The following FLI1 variants were observed in gnomAD, a reference collection of about 807,000 sequenced individuals.
FLI1 encodes Fli-1 proto-oncogene, ETS transcription factor.
FLI1 carries 13 observed loss-of-function variants against 53.1 expected under a neutral mutation model. That is an observed-to-expected ratio of 0.24 (90% CI 0.16 to 0.39). The LOEUF (loss-of-function observed/expected upper bound fraction) is 0.39. FLI1 is among the 10% of genes least tolerant of loss of function. FLI1 has a pLI of 1.00. For missense variants in FLI1, 424 were observed against 600.5 expected (o/e 0.71, Z 3.07); for synonymous variants, 244 against 236.7 (o/e 1.03, Z -0.28).
Position 128,740,780 on chromosome 11 carries a change from C to T in FLI1, c.19-17335C>T, listed in dbSNP as rs370253229. ...AGGGTCCTCCCTTCAGAGGGGTACACCCCTACAGCTCAGAGGCCACTTCTT... is the reference window on the plus strand; with the variant it reads ...AGGGTCCTCCCTTCAGAGGGGTACATCCCTACAGCTCAGAGGCCACTTCTT... On this transcript the variant is annotated intron_variant, in intron 1 of 8. Coordinates refer to ENST00000527786, the MANE Select transcript of FLI1 (RefSeq NM_002017.5). 4.4e-4 allele frequency among the ~76,000 whole-genome samples: 67 copies of T among 152,316 alleles called. 2 individuals carry two copies. In the South Asian group the frequency reaches 0.014, roughly 31 times the overall value.
chr11:128,709,237 A>G (rs764785690), intron 1 of FLI1, among the ~76,000 whole-genome samples: 8 of 152,224 alleles, frequency 5.3e-5, no homozygotes, highest in Non-Finnish European at 5.9e-5. Context: ...AATCAAAAGT[A>G]GTATGGAAGT....
intron 1 of FLI1, among the ~76,000 whole-genome samples, chr11:128,736,794 T>G (rs770801501): frequency 6.6e-6 from 1 of 152,220 alleles, no homozygotes; most frequent in Non-Finnish European, 1.5e-5. Context: ...ATATTTTCAG[T>G]GCAATTTTTA....
At chr11:128,743,033 A>G (rs763903976) in intron 1 of FLI1, among the ~76,000 whole-genome samples, 2 of 152,166 alleles carry the variant, frequency 1.3e-5, no homozygotes, top group Non-Finnish European at 2.9e-5. Context: ...AACATCACCA[A>G]CCTATAATGA....
At chr11:128,761,126 T>C (rs1305390555) in intron 2 of FLI1, among the ~76,000 whole-genome samples, 1 of 152,150 alleles carries the variant, frequency 6.6e-6, no homozygotes, top group Admixed American at 6.5e-5. Context: ...CTCCCACTTC[T>C]TCCCTCCGCG....
chr11:128,712,979 T>A (rs2135721484), intron 1 of FLI1, among the ~76,000 whole-genome samples: 1 of 152,348 alleles, frequency 6.6e-6, no homozygotes, highest in East Asian at 1.9e-4. Flanking sequence ...CTGACTTCAT[T>A]ACTGAGGTCT....
At chr11:128,710,419 G>T (rs561142708) in intron 1 of FLI1, among the ~76,000 whole-genome samples, 1 of 152,018 alleles carries the variant, frequency 6.6e-6, no homozygotes, top group South Asian at 2.1e-4. Context: ...TCATGAGGCC[G>T]AACATTGAAC....
upstream of FLI1, among the ~76,000 whole-genome samples, chr11:128,689,180 C>G (rs1207648411): frequency 6.6e-6 from 1 of 151,710 alleles, no homozygotes; most frequent in African/African-American, 2.4e-5. Context: ...AACCTAGGTG[C>G]GCTAGTCCTC....
intron 2 of FLI1, among the ~76,000 whole-genome samples, chr11:128,760,743 G>A (rs1374698151): frequency 6.6e-6 from 1 of 152,038 alleles, no homozygotes; most frequent in East Asian, 1.9e-4. Context: ...GGCCCGGCTG[G>A]TCTTCAACTC....
intron 2 of FLI1, 130 bp downstream of exon 2, chr11:128,758,456 G>A: frequency 1.4e-6 from 1 of 732,854 alleles, no homozygotes; most frequent in Non-Finnish European, 2.3e-6. Context: ...GCCTGTGTCA[G>A]TCCCTAGAGA....
intron 1 of FLI1, among the ~76,000 whole-genome samples, chr11:128,743,255 T>C (rs556809460): frequency 3.9e-5 from 6 of 152,028 alleles, no homozygotes; most frequent in African/African-American, 1.4e-4. Flanking sequence ...ATAAATTAGC[T>C]GGCATGGTGG....
chr11:128,696,823 A>T (rs1436776452), intron 1 of FLI1, among the ~76,000 whole-genome samples: 2 of 152,208 alleles, frequency 1.3e-5, no homozygotes, highest in East Asian at 3.8e-4. Flanking sequence ...TATATTTCAA[A>T]ATACCTGTGG....
intron 1 of FLI1, among the ~76,000 whole-genome samples, chr11:128,754,276 T>TGTGC (rs1491299709): frequency 2.2e-4 from 33 of 148,820 alleles, no homozygotes; most frequent in South Asian, 1.9e-3. Context: ...TGTGTGTGTG[T>TGTGC]GCACATATGC....
rs534479285 is a variant in FLI1 at position 128,755,147 on chromosome 11, C to G, written c.19-2968C>G. ...CAGGACAATCCTGTGTTCCCTGTTG[C>G]CTGGTCCACCCTCCTTAGGATAATG... On this transcript the variant is annotated intron_variant, in intron 1 of 8. Coordinates refer to ENST00000527786, the MANE Select transcript of FLI1 (RefSeq NM_002017.5). Among the ~76,000 whole-genome samples the G allele has an allele frequency of 7.9e-5, 12 of 152,274 alleles. No individual in the cohort carries two copies. In the East Asian group the frequency reaches 2.3e-3, roughly 29 times the overall value.
intron 1 of FLI1, among the ~76,000 whole-genome samples, chr11:128,698,880 A>T (rs1938203451): frequency 6.6e-6 from 1 of 152,232 alleles, no homozygotes; most frequent in South Asian, 2.1e-4. Flanking sequence ...TAAAGAAAAG[A>T]AGAAATTCCA....
Position 128,742,984 on chromosome 11 carries a change from G to T in FLI1, c.19-15131G>T, listed in dbSNP as rs548439339. On this transcript the variant is annotated intron_variant, in intron 1 of 8. Transcript: ENST00000527786. ...TCCCAAGAGAGAAAGGTTTGAGAAG[G>T]TTGGCTTCACTGGCTTCATTGACTT... is the stretch of plus-strand genomic sequence containing the variant. Among the ~76,000 whole-genome samples, 4 of 152,266 alleles carry T rather than the reference G, an allele frequency of 2.6e-5. No homozygotes were observed. The South Asian group carries it at 8.3e-4, about 32-fold the overall frequency.
At chr11:128,728,061 A>G (rs1317080953) in intron 1 of FLI1, among the ~76,000 whole-genome samples, 2 of 152,190 alleles carry the variant, frequency 1.3e-5, no homozygotes, top group Non-Finnish European at 2.9e-5. Context: ...ACAAAACACA[A>G]AACGTGGCCC....
At chr11:128,773,432 A>G (rs900339250) in intron 4 of FLI1, among the ~76,000 whole-genome samples, 1 of 151,854 alleles carries the variant, frequency 6.6e-6, no homozygotes, top group Non-Finnish European at 1.5e-5. Flanking sequence ...TAATCTTGGG[A>G]TACTCTGGCA....
At chr11:128,775,348 A>C (rs1231123672) in intron 4 of FLI1, among the ~76,000 whole-genome samples, 2 of 151,812 alleles carry the variant, frequency 1.3e-5, no homozygotes, top group Non-Finnish European at 2.9e-5. Context: ...AATTAAAATA[A>C]TCGTGTTAAA....
At chr11:128,778,210 C>T (rs1176030810) in intron 4 of FLI1, among the ~76,000 whole-genome samples, 1 of 152,200 alleles carries the variant, frequency 6.6e-6, no homozygotes, top group Non-Finnish European at 1.5e-5. Context: ...AAATCTTATA[C>T]TTCAGTTTGA....
Sources: gnomAD v4.1 joint callset for allele counts (sites outside exome capture counted in the v4.1 genomes callset) on GRCh38, gnomAD v4.1.1 for gene constraint, MANE v1.5 for transcripts, NCBI Gene and HGNC (gene_info 2026-07-23, HGNC 2026-07-21) for gene names.